CREM: variants seen among roughly 807,000 people sequenced by gnomAD.
The protein encoded by CREM is cAMP responsive element modulator, also known as cAMP-responsive element modulator.
CREM carries 13 observed loss-of-function variants against 37.3 expected under a neutral mutation model. The ratio of observed to expected loss-of-function variants is 0.35; its 90% CI spans 0.23 to 0.55. The LOEUF is 0.55. Among genes scored for constraint, CREM ranks in the 20% least tolerant of loss-of-function variants. CREM has a pLI of 0.88. For missense variants in CREM, 296 were observed against 362.3 expected (o/e 0.82, Z 1.49); for synonymous variants, 124 against 120.2 (o/e 1.03, Z -0.21).
intron 3 of CREM, among the ~76,000 whole-genome samples, chr10:35,149,446 G>A (rs975739829): frequency 6.6e-6 from 1 of 152,088 alleles, no homozygotes; most frequent in Non-Finnish European, 1.5e-5. Context: ...AGAGTACACT[G>A]TACTCTAAAT....
intron 6 of CREM, among the ~76,000 whole-genome samples, chr10:35,191,086 T>TTTATTTATTTATTTATTTATTTATTTA (rs2094895646): frequency 1.1e-4 from 17 of 147,992 alleles, no homozygotes; most frequent in East Asian, 5.9e-4. Flanking sequence ...ACATTTTTCT[T>TTTATTTATTTATTTATTTATTTATTTA]TTTATTTATT....
At chr10:35,210,587 T>C (rs1037294921) in intron 7 of CREM, 5 of 152,348 alleles carry the variant, frequency 3.3e-5, no homozygotes, top group Admixed American at 3.3e-4. Context: ...CATTTGTGGG[T>C]TTAAATTGTC....
At chr10:35,146,656 A>G (rs1369549338) in intron 2 of CREM, among the ~76,000 whole-genome samples, 1 of 152,222 alleles carries the variant, frequency 6.6e-6, no homozygotes, top group African/African-American at 2.4e-5. Flanking sequence ...GGATTAGGCA[A>G]TATTAAGGGA....
intron 5 of CREM, among the ~76,000 whole-genome samples, chr10:35,184,202 A>G (rs1476088620): frequency 6.6e-6 from 1 of 152,228 alleles, no homozygotes; most frequent in Admixed American, 6.5e-5. Context: ...GTTTAAGACC[A>G]GCTAGACCAA....
At chr10:35,189,098 GT>G (rs536772033) in intron 6 of CREM, among the ~76,000 whole-genome samples, 1 of 151,738 alleles carries the variant, frequency 6.6e-6, no homozygotes, top group African/African-American at 2.4e-5. Flanking sequence ...CCCCAAATTT[GT>G]TTTTTTCCCT....
At chr10:35,128,526 C>CTTT (rs35809404) in intron 1 of CREM, among the ~76,000 whole-genome samples, 2 of 128,982 alleles carry the variant, frequency 1.6e-5, no homozygotes, top group Admixed American at 7.8e-5. Context: ...TTTTCCTAGT[C>CTTT]TTTTTTTTTT....
chr10:35,191,772 T>G (rs2094928954), intron 6 of CREM, among the ~76,000 whole-genome samples: 1 of 151,970 alleles, frequency 6.6e-6, no homozygotes, highest in Non-Finnish European at 1.5e-5. Flanking sequence ...TCAGGCTCAC[T>G]CCCCCACCCT....
chr10:35,148,060 CA>C (rs1482398946), intron 2 of CREM, among the ~76,000 whole-genome samples: 2 of 152,154 alleles, frequency 1.3e-5, no homozygotes, highest in East Asian at 3.8e-4. Flanking sequence ...TTCGCATATA[CA>C]TATGAGTTAC....
intron 6 of CREM, chr10:35,196,126 G>T (rs370937175): frequency 2.0e-5 from 32 of 1,612,668 alleles, no homozygotes; most frequent in Admixed American, 5.0e-5. Flanking sequence ...TACTGAGGCC[G>T]TCCCTGCATG....
At chr10:35,161,513 A>T (rs1408811260) in intron 3 of CREM, among the ~76,000 whole-genome samples, 1 of 151,836 alleles carries the variant, frequency 6.6e-6, no homozygotes, top group African/African-American at 2.4e-5. Context: ...AAATAAAAAA[A>T]ATTAGCCAGG....
At chr10:35,185,415 C>T (rs1465330396) in intron 5 of CREM, among the ~76,000 whole-genome samples, 13 of 152,102 alleles carry the variant, frequency 8.5e-5, no homozygotes, top group African/African-American at 2.9e-4. Flanking sequence ...AGGCTTTGTA[C>T]TTCTAATACA....
rs375864493 is a variant in CREM, at chr10:35,143,809, C to G, written c.45-4559C>G. On this transcript the variant is annotated intron_variant, in intron 2 of 7. Transcript: ENST00000685392. ...CAACAGTGGGGAACAAAGCAGATGG[C>G]CAGTCAACATGCTGACCTTGATTGG... is the stretch of plus-strand genomic sequence containing the variant. Among the ~76,000 whole-genome samples, 84 of 152,206 alleles carry G rather than the reference C, an allele frequency of 5.5e-4. 1 individual carries two copies. The highest frequency in any genetic ancestry group is 4.4e-3 in the South Asian group (21 of 4,810).
At chr10:35,147,473 A>T (rs1403240400) in intron 2 of CREM, among the ~76,000 whole-genome samples, 1 of 152,208 alleles carries the variant, frequency 6.6e-6, no homozygotes, top group African/African-American at 2.4e-5. Context: ...CTTAAACTGA[A>T]TTCATACACA....
chr10:35,154,468 T>C (rs1252165490), intron 3 of CREM: 1 of 166,312 alleles, frequency 6.0e-6, no homozygotes, highest in Non-Finnish European at 1.3e-5. Flanking sequence ...TCTTGTATTT[T>C]AGCTTCAGTA....
intron 3 of CREM, among the ~76,000 whole-genome samples, chr10:35,176,696 A>G (rs2094108512): frequency 6.6e-6 from 1 of 152,298 alleles, no homozygotes; most frequent in South Asian, 2.1e-4. Context: ...GGCGTGAGCC[A>G]CTGCGCCCAG....
intron 1 of CREM, among the ~76,000 whole-genome samples, chr10:35,132,519 C>T (rs1468211577): frequency 2.0e-5 from 3 of 152,076 alleles, no homozygotes; most frequent in Non-Finnish European, 2.9e-5. Context: ...TAGAGAGCCT[C>T]GTGAATTTAT....
intron 3 of CREM, among the ~76,000 whole-genome samples, chr10:35,168,712 A>G (rs1413448817): frequency 6.6e-6 from 1 of 152,180 alleles, no homozygotes; most frequent in East Asian, 1.9e-4. Flanking sequence ...GTTTTCTTCT[A>G]GGGTTTTTAT....
At chr10:35,167,839 T>C (rs1408892796) in intron 3 of CREM, 3 of 1,566,894 alleles carry the variant, frequency 1.9e-6, no homozygotes, top group South Asian at 1.1e-5. Context: ...TTCACACTTT[T>C]AAAGCCTTGT....
At chr10:35,175,401 A>G (rs1038341256) in intron 3 of CREM, among the ~76,000 whole-genome samples, 5 of 152,154 alleles carry the variant, frequency 3.3e-5, no homozygotes, top group Admixed American at 2.0e-4. Context: ...AGCCAAGATC[A>G]CGCCACTGCA....
Sources: gnomAD v4.1 joint callset for allele counts (sites outside exome capture counted in the v4.1 genomes callset) on GRCh38, gnomAD v4.1.1 for gene constraint, MANE v1.5 for transcripts, NCBI Gene and HGNC (gene_info 2026-07-23, HGNC 2026-07-21) for gene names.